Variants in FLT4 observed in about 807,000 individuals in gnomAD.
FLT4 encodes the protein vascular endothelial growth factor receptor 3.
Under a neutral mutation model 163.2 loss-of-function variants are expected in FLT4, and 30 were observed. That is an observed-to-expected ratio of 0.18 (90% CI 0.14 to 0.25). The LOEUF is 0.25. Among genes scored for constraint, FLT4 ranks in the 10% least tolerant of loss-of-function variants. FLT4 has a pLI of 1.00. For missense variants in FLT4, 1,510 were observed against 1,863.8 expected (o/e 0.81, Z 3.50); for synonymous variants, 884 against 789.5 (o/e 1.12, Z -2.01).
At chr5:180,637,322 C>T (rs567693488) in intron 1 of FLT4, among the ~76,000 whole-genome samples, 7 of 143,894 alleles carry the variant, frequency 4.9e-5, no homozygotes, top group South Asian at 4.5e-4. Flanking sequence ...AGCGAGACTC[C>T]GTCTCAGGAA....
At position 180,630,644 on chromosome 5, in the gene FLT4, T is replaced by G. The variant is rs1384082412; in HGVS notation, c.311A>C (p.Asn104Thr). ...GTAGCAGACGTAGCTGCCTGTGTCG[T>G]TGGCATGTACCTCGTGCAGCAGCAA... Reference protein sequence around the residue: ...KVLLLHEVHANDTGSYVCYYK... With the variant: ...KVLLLHEVHATDTGSYVCYYK... Residue 104 changes from asparagine (N) to threonine (T), a missense_variant, in exon 3 of 30, where the codon AAC (asparagine) becomes ACC (threonine). Transcript: ENST00000261937. This position sits in a 1 kb window ranked among gnomAD's most constrained non-coding sequence, Gnocchi z 6.3. 6.2e-7 allele frequency: 1 copy of G among 1,613,206 alleles called. No homozygotes were observed. Among genetic ancestry groups the G allele is most frequent in the African/African-American group, 1.3e-5 (1 of 75,036 alleles).
intron 12 of FLT4, among the ~76,000 whole-genome samples, chr5:180,622,288 ATC>A (rs1763216074): frequency 6.6e-6 from 1 of 151,472 alleles, no homozygotes. Flanking sequence ...CCTGATCTAC[ATC>A]TCTCTGCTGG....
At chr5:180,627,953 C>T (rs1763767307) in intron 8 of FLT4, among the ~76,000 whole-genome samples, 1 of 152,140 alleles carries the variant, frequency 6.6e-6, no homozygotes, top group South Asian at 2.1e-4. Context: ...AGGGCCAGGA[C>T]ACCCTGGGCC....
In FLT4 at chr5:180,603,241, T is replaced by C. The variant is rs1761604762; in HGVS notation, c.4043A>G (p.His1348Arg). The C allele has an allele frequency of 6.2e-7, 1 of 1,614,050 alleles. No homozygotes were observed. Among genetic ancestry groups the C allele is most frequent in the South Asian group, 1.1e-5 (1 of 91,086 alleles). ...GELSEPSEED[H>R]CSPSARVTFF... Reference sequence around the variant, plus strand: ...AGTCACGCGGGCAGACGGGGAGCAGTGGTCCTCCTCGCTTGGCTCCGACAG... The same window carrying C: ...AGTCACGCGGGCAGACGGGGAGCAGCGGTCCTCCTCGCTTGGCTCCGACAG... Residue 1348 changes from histidine to arginine, a missense_variant, in exon 30 of 30, where the codon CAC (histidine) becomes CGC (arginine). By Grantham distance (29) the His-to-Arg change is conservative (BLOSUM62 0). Coordinates refer to ENST00000261937, the MANE Select transcript of FLT4 (RefSeq NM_182925.5).
At chr5:180,629,175 G>T in intron 7 of FLT4, 84 bp downstream of exon 7, 2 of 1,562,644 alleles carry the variant, frequency 1.3e-6, no homozygotes, top group Non-Finnish European at 1.8e-6. Context: ...CTTCCCTCTG[G>T]CTGGACTCCT....
At chr5:180,632,904 A>C (rs1228650442) in intron 1 of FLT4, among the ~76,000 whole-genome samples, 2 of 151,840 alleles carry the variant, frequency 1.3e-5, no homozygotes, top group Non-Finnish European at 2.9e-5. Flanking sequence ...ACAGGAAGGG[A>C]GGGCTGCATG....
At position 180,620,041 on chromosome 5, in the gene FLT4, C is replaced by T. The variant is rs978906566; in HGVS notation, c.2542+132G>A. 4.4e-5 allele frequency: 52 copies of T among 1,181,886 alleles called. No individual in the cohort carries two copies. The highest frequency in any genetic ancestry group is 2.7e-4 in the Middle Eastern group (1 of 3,730). 73.2% of individuals were successfully genotyped at this position (1,181,886 alleles called of 1,614,324 possible). A position where few individuals can be genotyped will look rare whatever the true frequency, so the allele number is the denominator to read the frequency against. On this transcript the variant is annotated intron_variant, in intron 17 of 29. Transcript: ENST00000261937. This position sits in a 1 kb window ranked among gnomAD's most constrained non-coding sequence, Gnocchi z 4.4. The stretch of plus-strand genomic sequence containing the variant: ...CTGGCTGAGGTTCTAGGTACCCACG[C>T]CCACAGGGACAGGTCAGGCCAGGCG...
chr5:180,625,849 G>A lies in FLT4; in HGVS notation c.1421+20C>T. 2.0e-6 allele frequency: 3 copies of A among 1,524,596 alleles called. No individual in the cohort carries two copies. Among genetic ancestry groups the A allele is most frequent in the Non-Finnish European group, 2.6e-6 (3 of 1,153,116 alleles). 94.4% of individuals were successfully genotyped at this position (1,524,596 alleles called of 1,614,324 possible). On this transcript the variant is annotated intron_variant, in intron 10 of 29. Coordinates refer to ENST00000261937, the MANE Select transcript of FLT4 (RefSeq NM_182925.5). Reference sequence around the variant, plus strand: ...GGGGCTGTGGCTGTGCAGGGGACCTGAGGCTGGAGCTGTACTCACAGACTA... The same window carrying A: ...GGGGCTGTGGCTGTGCAGGGGACCTAAGGCTGGAGCTGTACTCACAGACTA...
chr5:180,607,360 G>C (rs1030012337), intron 29 of FLT4, among the ~76,000 whole-genome samples: 4 of 152,186 alleles, frequency 2.6e-5, no homozygotes, highest in African/African-American at 9.7e-5. Context: ...ACAGTGGCCG[G>C]GCGCGGTGGC....
In FLT4 at chr5:180,614,055, A is replaced by G; in HGVS notation, c.3331+13T>C. The G allele has an allele frequency of 6.3e-7, 1 of 1,583,022 alleles. No individual in the cohort carries two copies. Among genetic ancestry groups the G allele is most frequent in the Non-Finnish European group, 8.7e-7 (1 of 1,151,562 alleles). The stretch of plus-strand genomic sequence containing the variant: ...CGCCTCCTCTCCCCACCGGCACCCC[A>G]TCCTGCACTCACCCAGAGAGAAGAT... On this transcript the variant is annotated intron_variant, in intron 24 of 29. Coordinates refer to ENST00000261937, the MANE Select transcript of FLT4 (RefSeq NM_182925.5).
intron 18 of FLT4, 25 bp from the exon 19 acceptor site, chr5:180,619,391 C>A: frequency 3.8e-6 from 6 of 1,564,734 alleles, no homozygotes; most frequent in South Asian, 1.1e-5. Flanking sequence ...GGCCTCACAC[C>A]GGCCCCGACC....
rs1446945815 is a variant in FLT4 at position 180,636,082 on chromosome 5, C to T, written c.59-4304G>A. 6.6e-6 allele frequency among the ~76,000 whole-genome samples: 1 copy of T among 151,894 alleles called. No homozygotes were observed. Among genetic ancestry groups the T allele is most frequent in the African/African-American group, 2.4e-5 (1 of 41,300 alleles). On this transcript the variant is annotated intron_variant, in intron 1 of 29. Coordinates refer to ENST00000261937, the MANE Select transcript of FLT4 (RefSeq NM_182925.5). This position sits in a 1 kb window ranked among gnomAD's most constrained non-coding sequence, Gnocchi z 4.3. ...GGATGGGGAGAGGAGTCTGTAGGAG[C>T]TTCCTCCTGAAGGCACCGTGCCACC... is the stretch of plus-strand genomic sequence containing the variant.
intron 21 of FLT4, 114 bp downstream of exon 21, chr5:180,618,656 A>G: frequency 2.6e-6 from 3 of 1,164,846 alleles, no homozygotes; most frequent in East Asian, 2.6e-5. Flanking sequence ...GGCAGAGCCC[A>G]TTCCACACTC....
chr5:180,633,725 A>G (rs1764342957), intron 1 of FLT4, among the ~76,000 whole-genome samples: 2 of 152,260 alleles, frequency 1.3e-5, no homozygotes, highest in South Asian at 4.1e-4. Context: ...GTATGTGGGC[A>G]CCGGAGTGGG....
chr5:180,648,526 C>G (rs1184315806), intron 1 of FLT4, among the ~76,000 whole-genome samples: 1 of 152,168 alleles, frequency 6.6e-6, no homozygotes, highest in Non-Finnish European at 1.5e-5. Context: ...GACTTCAGGG[C>G]TTCAGACACT....
At chr5:180,639,347 A>G (rs1180288374) in intron 1 of FLT4, among the ~76,000 whole-genome samples, 8 of 75,354 alleles carry the variant, frequency 1.1e-4, no homozygotes, top group East Asian at 6.3e-4. Context: ...AGACAGATGA[A>G]TGGATGGATG....
At position 180,622,763 on chromosome 5, in the gene FLT4, T is replaced by A; in HGVS notation, c.1625A>T (p.Gln542Leu). The change falls in exon 12 of 30, where the codon CAG (glutamine) becomes CTG (leucine). Residue 542 changes from glutamine (Q) to leucine (L), a missense_variant. Around this residue, in one of 5 missense-constraint regions of FLT4, gnomAD observed 878 missense variants for 1,016.7 expected, o/e 0.86. Coordinates refer to ENST00000261937, the MANE Select transcript of FLT4 (RefSeq NM_182925.5). ...YKCVVSNKVG[Q>L]DERLIYFYVT... ...ATAGAAGTAGATGAGCCGCTCATCCTGGCCCACCTTGTTGGAGACCACACA... is the reference window on the plus strand; with the variant it reads ...ATAGAAGTAGATGAGCCGCTCATCCAGGCCCACCTTGTTGGAGACCACACA... 6.2e-7 allele frequency: 1 copy of A among 1,613,096 alleles called. No individual in the cohort carries two copies. Among genetic ancestry groups the A allele is most frequent in the Non-Finnish European group, 8.5e-7 (1 of 1,179,422 alleles).
chr5:180,637,139 T>C (rs1266988573), intron 1 of FLT4, among the ~76,000 whole-genome samples: 2 of 151,934 alleles, frequency 1.3e-5, no homozygotes, highest in East Asian at 1.9e-4. Context: ...CGGACCATCC[T>C]GGCCAACATG....
rs1762188836 is a variant in FLT4 at position 180,611,493 on chromosome 5, G to C, written c.3538-14C>G. ...CTCCTCTTCCTCCTGGCGGGAACAG[G>C]AGAGGCAGCCAGGCCAGAAACCACC... On this transcript the variant is annotated splice_polypyrimidine_tract_variant and intron_variant, in intron 26 of 29. Transcript: ENST00000261937. The C allele has an allele frequency of 6.2e-7, 1 of 1,612,602 alleles. No individual in the cohort carries two copies. Among genetic ancestry groups the C allele is most frequent in the African/African-American group, 1.3e-5 (1 of 74,788 alleles).
Sources: gnomAD v4.1 joint callset for allele counts (sites outside exome capture counted in the v4.1 genomes callset) on GRCh38, gnomAD v4.1.1 for gene constraint, gnomAD v4.1.1 regional missense constraint, Gnocchi (gnomAD v3.1) non-coding constraint, MANE v1.5 for transcripts, NCBI Gene and HGNC (gene_info 2026-07-23, HGNC 2026-07-21) for gene names.